The following NWD1 variants were observed in gnomAD, a reference collection of about 807,000 sequenced individuals.
NWD1 encodes the protein NACHT and WD repeat domain containing 1, also known as NACHT domain- and WD repeat-containing protein 1.
In NWD1, 129 loss-of-function variants were observed where a neutral mutation model predicts 135.1. The observed-to-expected ratio is 0.96, with a 90% CI of 0.83 to 1.11. NWD1 has a LOEUF of 1.11. Among genes scored for constraint, NWD1 ranks in the 50% least tolerant of loss-of-function variants. The pLI, the probability that NWD1 is intolerant of heterozygous loss-of-function variation, is 0.00. For synonymous variants in NWD1, 773 were observed against 786.0 expected, an observed-to-expected ratio of 0.98 and a Z score of 0.28; for missense variants, 1,740 against 1,851.3, an observed-to-expected ratio of 0.94 and a Z score of 1.10.
At chr19:16,735,109 G>A (rs574754450) in intron 3 of NWD1, among the ~76,000 whole-genome samples, 6 of 152,140 alleles carry the variant, frequency 3.9e-5, no homozygotes, top group Admixed American at 1.3e-4. Flanking sequence ...AGGCTTACAG[G>A]AAACGCATGG....
intron 3 of NWD1, among the ~76,000 whole-genome samples, chr19:16,732,599 A>ATT (rs781412874): frequency 2.6e-5 from 3 of 116,160 alleles, no homozygotes; most frequent in African/African-American, 7.2e-5. Context: ...TGGCTAGGGA[A>ATT]TTTTTTTTTT....
intron 7 of NWD1, 128 bp from the exon 8 acceptor site, chr19:16,761,851 T>C (rs1969025419): frequency 3.1e-6 from 2 of 644,770 alleles, no homozygotes; most frequent in Admixed American, 5.6e-5. Context: ...ATGTATCAAA[T>C]AGCACAGGTG....
chr19:16,759,929 G>A (rs879339607), intron 7 of NWD1, among the ~76,000 whole-genome samples: 4 of 152,150 alleles, frequency 2.6e-5, no homozygotes, highest in Non-Finnish European at 5.9e-5. Context: ...GGGAGGCAGA[G>A]GTGGCAGTGA....
intron 2 of NWD1, among the ~76,000 whole-genome samples, chr19:16,729,647 G>A (rs1056096799): frequency 2.0e-5 from 3 of 151,480 alleles, no homozygotes; most frequent in Non-Finnish European, 4.4e-5. Context: ...GGGGGCCGAG[G>A]CACCTGAGGT....
chr19:16,798,939 T>TAA lies in NWD1; in HGVS notation c.3460-935_3460-934dup, dbSNP rs35736408. ...CCATGTCTGGCTAGAATAAAATAATTAAAAAAAAAAAAACATTAAAAGTTT... is the reference window on the plus strand; with the variant it reads ...CCATGTCTGGCTAGAATAAAATAATTAAAAAAAAAAAAAAACATTAAAAGTTT... On this transcript the variant is annotated intron_variant, in intron 16 of 18. Coordinates refer to ENST00000524140, the MANE Select transcript of NWD1 (RefSeq NM_001007525.5). Among the ~76,000 whole-genome samples the TAA allele has an allele frequency of 7.0e-4, 100 of 142,336 alleles. 1 individual carries two copies. The highest frequency in any genetic ancestry group is 2.2e-3 in the African/African-American group (88 of 39,580). 93.4% of individuals were successfully genotyped at this position (142,336 alleles called of 152,430 possible).
rs1191474483 is a variant in NWD1, at chr19:16,749,289, T to A, written c.647T>A (p.Leu216Gln). The A allele has an allele frequency of 1.9e-6, 3 of 1,613,864 alleles. No homozygotes were observed. The highest frequency in any genetic ancestry group is 2.2e-5 in the East Asian group (1 of 44,888). ...RMVDRLADGC[L>Q]DADAQNLLSS... ...GTGGACCGGCTCGCGGATGGCTGCCTGGACGCTGATGCCCAGAACCTTCTC... is the reference window on the plus strand; with the variant it reads ...GTGGACCGGCTCGCGGATGGCTGCCAGGACGCTGATGCCCAGAACCTTCTC... Residue 216 changes from leucine (L) to glutamine (Q), a missense_variant, in exon 6 of 19, where the codon CTG becomes CAG. Physicochemically the swap from Leu to Gln is moderately radical, Grantham distance 113. Transcript: ENST00000524140.
At position 16,808,135 on chromosome 19, in the gene NWD1, C is replaced by T. The variant is rs181621417; in HGVS notation, c.4286C>T (p.Thr1429Met). The T allele has an allele frequency of 3.8e-5, 62 of 1,612,162 alleles. No individual in the cohort carries two copies. In the East Asian group the frequency reaches 1.1e-3, roughly 29 times the overall value. The change falls in exon 18 of 19, where the codon ACG becomes ATG. Residue 1429 changes from threonine to methionine, a missense_variant and splice_region_variant. By Grantham distance (81) the Thr-to-Met change is moderately conservative. Transcript: ENST00000524140. ...ARKWKFEMSYTAPC is the reference protein window; with the variant it reads ...ARKWKFEMSYMAPC ...AAGTGGAAATTCGAGATGAGCTACA[C>T]GGTGGGTGGCCCGCCTCCCCATGTT...
At chr19:16,776,191 C>A (rs572633069) in intron 11 of NWD1, among the ~76,000 whole-genome samples, 126 of 152,172 alleles carry the variant, frequency 8.3e-4, no homozygotes, top group African/African-American at 2.9e-3. Flanking sequence ...TGTTTCAGAT[C>A]CACTGTGCCC....
chr19:16,764,466 ACCAT>A (rs372770895), intron 9 of NWD1, among the ~76,000 whole-genome samples: 28 of 147,976 alleles, frequency 1.9e-4, no homozygotes, highest in African/African-American at 6.0e-4. Flanking sequence ...GCTGGTTATA[ACCAT>A]CCATCCATCC....
chr19:16,745,768 T>C (rs1445940590), intron 5 of NWD1, among the ~76,000 whole-genome samples: 1 of 150,268 alleles, frequency 6.7e-6, no homozygotes, highest in Non-Finnish European at 1.5e-5. Flanking sequence ...AAAAACAAAA[T>C]TAGCTAGGTA....
intron 5 of NWD1, among the ~76,000 whole-genome samples, chr19:16,747,575 T>G (rs1308595395): frequency 1.4e-5 from 2 of 147,844 alleles, no homozygotes; most frequent in African/African-American, 2.5e-5. Context: ...GTTTTGCCGT[T>G]TTGCACAGGC....
At chr19:16,758,703 G>A (rs1284582571) in intron 6 of NWD1, among the ~76,000 whole-genome samples, 1 of 152,068 alleles carries the variant, frequency 6.6e-6, no homozygotes, top group Non-Finnish European at 1.5e-5. Context: ...AGACCCCTTC[G>A]AGGTTGAGGA....
chr19:16,757,783 G>C (rs1291970688), intron 6 of NWD1, among the ~76,000 whole-genome samples: 3 of 152,366 alleles, frequency 2.0e-5, no homozygotes, highest in Admixed American at 2.0e-4. Context: ...GCCAGGTGCA[G>C]TGGCTCACGC....
intron 14 of NWD1, among the ~76,000 whole-genome samples, chr19:16,793,425 G>A (rs982000479): frequency 2.0e-5 from 3 of 151,902 alleles, no homozygotes; most frequent in African/African-American, 7.3e-5. Context: ...ATTTTGTAGA[G>A]GTGGGGGTCT....
intron 1 of NWD1, among the ~76,000 whole-genome samples, chr19:16,722,290 C>G (rs1187560830): frequency 6.7e-6 from 1 of 150,092 alleles, no homozygotes; most frequent in African/African-American, 2.4e-5. Context: ...CAGAGCAAGA[C>G]TTGACTTTTT....
At chr19:16,793,394 T>C (rs1405954230) in intron 14 of NWD1, among the ~76,000 whole-genome samples, 24 of 150,914 alleles carry the variant, frequency 1.6e-4, no homozygotes, top group Non-Finnish European at 5.9e-5. Context: ...CCCCCATGCC[T>C]GGCTAATTAT....
Position 16,797,738 on chromosome 19 carries a change from GA to G in NWD1, c.3313del (p.Arg1105AspfsTer38). ...EDESLLAAGF[G>X]RSVRIFLADS... ...CCAGTTCCTGCCGTTTCAGGCTTTG[GA>G]AGATCGGTGCGGATATTCTTGGCGG... is the stretch of plus-strand genomic sequence containing the variant. On this transcript the variant is annotated frameshift_variant, in exon 16 of 19. Transcript: ENST00000524140. LOFTEE classifies it high-confidence loss of function. 1 of 1,613,848 alleles carries G rather than the reference GA, an allele frequency of 6.2e-7. No homozygotes were observed. Among genetic ancestry groups the G allele is most frequent in the East Asian group, 2.2e-5 (1 of 44,872 alleles).
chr19:16,741,578 A>C (rs1016693914), intron 4 of NWD1, among the ~76,000 whole-genome samples: 1 of 151,686 alleles, frequency 6.6e-6, no homozygotes, highest in Non-Finnish European at 1.5e-5. Flanking sequence ...TATGTTGGCC[A>C]GGCTGGTCTC....
At chr19:16,809,650 G>A (rs1328814733) in intron 18 of NWD1, among the ~76,000 whole-genome samples, 2 of 151,272 alleles carry the variant, frequency 1.3e-5, no homozygotes, top group Non-Finnish European at 2.9e-5. Context: ...TGCCTCCCGG[G>A]TTTATGCCAT....
Sources: gnomAD v4.1 joint callset for allele counts (sites outside exome capture counted in the v4.1 genomes callset) on GRCh38, gnomAD v4.1.1 for gene constraint, MANE v1.5 for transcripts, NCBI Gene and HGNC (gene_info 2026-07-23, HGNC 2026-07-21) for gene names.